Variants in ANO3 observed in about 807,000 individuals in gnomAD.
ANO3 encodes anoctamin 3, also known as anoctamin-3.
ANO3 carries 99 observed loss-of-function variants against 144.8 expected under a neutral mutation model. The observed-to-expected ratio is 0.68, with a 90% CI of 0.58 to 0.81. ANO3 has a LOEUF of 0.81. ANO3 is among the 30% of genes least tolerant of loss of function. The pLI is 0.00. For missense variants in ANO3, 905 were observed against 1,202.2 expected, an observed-to-expected ratio of 0.75 and a Z score of 3.66; for synonymous variants, 414 against 392.6, an observed-to-expected ratio of 1.05 and a Z score of -0.64.
intron 20 of ANO3, among the ~76,000 whole-genome samples, chr11:26,636,983 C>T (rs1435549496): frequency 1.3e-5 from 2 of 152,136 alleles, no homozygotes; most frequent in Non-Finnish European, 2.9e-5. Flanking sequence ...TTTGGCTTGT[C>T]CAGGGTGATA....
At chr11:26,631,486 G>A (rs1485169860) in intron 18 of ANO3, among the ~76,000 whole-genome samples, 1 of 152,058 alleles carries the variant, frequency 6.6e-6, no homozygotes, top group Non-Finnish European at 1.5e-5. Flanking sequence ...AAGTGTGTTT[G>A]TATTTATCTC....
chr11:26,643,323 C>T lies in ANO3; in HGVS notation c.2417C>T (p.Ala806Val). The change falls in exon 23 of 27, where the codon GCA becomes GTA. Residue 806 changes from alanine to valine, a missense_variant. By Grantham distance (64) the Ala-to-Val change is moderately conservative. Transcript: ENST00000256737. Reference sequence around the variant, plus strand: ...TGGCGGAGGCCTTTGCCAGCCCGAGCAACTGACATAGGTAAGATTCGGAAG... The same window carrying T: ...TGGCGGAGGCCTTTGCCAGCCCGAGTAACTGACATAGGTAAGATTCGGAAG... ...TQWRRPLPAR[A>V]TDIGIWLGIL... 1 of 1,614,024 alleles carries T rather than the reference C, an allele frequency of 6.2e-7. No individual in the cohort carries two copies. Among genetic ancestry groups the T allele is most frequent in the Non-Finnish European group, 8.5e-7 (1 of 1,179,970 alleles).
intron 13 of ANO3, among the ~76,000 whole-genome samples, chr11:26,556,235 A>T (rs1850078263): frequency 6.6e-6 from 1 of 152,160 alleles, no homozygotes; most frequent in East Asian, 1.9e-4. Flanking sequence ...GATGCTAGGA[A>T]TTCTCATTTA....
At chr11:26,202,782 A>G (rs1433151099) in intron 1 of ANO3, among the ~76,000 whole-genome samples, 1 of 152,090 alleles carries the variant, frequency 6.6e-6, no homozygotes, top group Admixed American at 6.6e-5. Flanking sequence ...ATAGTCAATC[A>G]TTCCTCTGGA....
chr11:26,207,087 C>T (rs1400287696), intron 1 of ANO3, among the ~76,000 whole-genome samples: 1 of 152,068 alleles, frequency 6.6e-6, no homozygotes, highest in African/African-American at 2.4e-5. Context: ...TACGAAGTTT[C>T]AGTTGTGCCA....
At position 26,647,693 on chromosome 11, in the gene ANO3, A is replaced by G; in HGVS notation, c.2429-16A>G. ...TCTTCATTTTTGTTCACCATGATTA[A>G]TCTTTCTCTTACCAGGTATCTGGCT... On this transcript the variant is annotated splice_polypyrimidine_tract_variant and intron_variant, in intron 23 of 26. Coordinates refer to ENST00000256737, the MANE Select transcript of ANO3 (RefSeq NM_031418.4). 1 of 1,589,916 alleles carries G rather than the reference A, an allele frequency of 6.3e-7. No homozygotes were observed. The highest frequency in any genetic ancestry group is 8.6e-7 in the Non-Finnish European group (1 of 1,164,930).
intron 1 of ANO3, among the ~76,000 whole-genome samples, chr11:26,264,973 G>C (rs1490050269): frequency 6.6e-6 from 1 of 151,896 alleles, no homozygotes; most frequent in South Asian, 2.1e-4. Flanking sequence ...TCTTTTGGAG[G>C]TAATATATAT....
At chr11:26,647,411 G>C (rs1853380625) in intron 23 of ANO3, among the ~76,000 whole-genome samples, 1 of 152,176 alleles carries the variant, frequency 6.6e-6, no homozygotes, top group African/African-American at 2.4e-5. Context: ...CTGTAAATTA[G>C]ACTTTGAAAT....
Position 26,598,381 on chromosome 11 carries a change from GT to G in ANO3, c.1468del (p.Trp490GlyfsTer8). 8 of 1,548,980 alleles carry G rather than the reference GT, an allele frequency of 5.2e-6. No homozygotes were observed. The highest frequency in any genetic ancestry group is 6.1e-6 in the Non-Finnish European group (7 of 1,148,740). On this transcript the variant is annotated frameshift_variant, in exon 15 of 27. Coordinates refer to ENST00000256737, the MANE Select transcript of ANO3 (RefSeq NM_031418.4). LOFTEE classifies it high-confidence loss of function. ...ATTTTATAGCCACAGTCTTCCTGGA[GT>G]TTTGGAAAAGGAGAAGGAGTATACT... ...MAIWATVFLE[F>X]WKRRRSILTY...
intron 1 of ANO3, among the ~76,000 whole-genome samples, chr11:26,377,006 T>C (rs918782190): frequency 1.3e-5 from 2 of 152,096 alleles, no homozygotes; most frequent in East Asian, 1.9e-4. Flanking sequence ...GAGAAAAAAG[T>C]CTACATGAAA....
chr11:26,212,655 C>CA (rs930726355), intron 1 of ANO3, among the ~76,000 whole-genome samples: 24 of 151,780 alleles, frequency 1.6e-4, no homozygotes, highest in Admixed American at 7.9e-4. Flanking sequence ...GCCTACCAAC[C>CA]AAAAAAAGCC....
chr11:26,262,040 G>A (rs1853202307), intron 1 of ANO3, among the ~76,000 whole-genome samples: 1 of 152,152 alleles, frequency 6.6e-6, no homozygotes, highest in Non-Finnish European at 1.5e-5. Flanking sequence ...GATAGCAGGT[G>A]CTACTAATCT....
intron 1 of ANO3, chr11:26,285,850 T>C (rs1853795061): frequency 6.6e-6 from 1 of 152,146 alleles, no homozygotes; most frequent in African/African-American, 2.4e-5. Flanking sequence ...ATTCATGCCA[T>C]GGAAAGGTAT....
intron 18 of ANO3, among the ~76,000 whole-genome samples, chr11:26,628,314 C>T (rs531057307): frequency 6.6e-6 from 1 of 152,302 alleles, no homozygotes; most frequent in African/African-American, 2.4e-5. Flanking sequence ...CTACTATACA[C>T]ACTATTAATT....
intron 18 of ANO3, among the ~76,000 whole-genome samples, chr11:26,630,212 T>C (rs530284027): frequency 2.7e-4 from 41 of 152,316 alleles, no homozygotes; most frequent in Non-Finnish European, 4.9e-4. Flanking sequence ...GTGTTGAATA[T>C]AAGATTTAGA....
At chr11:26,646,410 A>G (rs544130523) in intron 23 of ANO3, among the ~76,000 whole-genome samples, 3 of 152,258 alleles carry the variant, frequency 2.0e-5, no homozygotes, top group African/African-American at 7.2e-5. Flanking sequence ...TCTGTAGTAT[A>G]GATCCCAATA....
intron 1 of ANO3, among the ~76,000 whole-genome samples, chr11:26,312,776 C>T (rs1163401713): frequency 2.0e-5 from 3 of 152,122 alleles, no homozygotes; most frequent in Non-Finnish European, 4.4e-5. Flanking sequence ...AAAATTTTCT[C>T]CCATTCTGTA....
chr11:26,305,141 T>C (rs1460473086), upstream of ANO3, among the ~76,000 whole-genome samples: 2 of 150,938 alleles, frequency 1.3e-5, no homozygotes, highest in Non-Finnish European at 2.9e-5. Flanking sequence ...AACCGATTCA[T>C]TAGCTCCCTA....
At chr11:26,655,279 C>G (rs1853651424) in intron 24 of ANO3, among the ~76,000 whole-genome samples, 1 of 152,096 alleles carries the variant, frequency 6.6e-6, no homozygotes, top group Admixed American at 6.6e-5. Context: ...TTCTATTGCC[C>G]TTGGTAGAGA....
Sources: gnomAD v4.1 joint callset for allele counts (sites outside exome capture counted in the v4.1 genomes callset) on GRCh38, gnomAD v4.1.1 for gene constraint, MANE v1.5 for transcripts, NCBI Gene and HGNC (gene_info 2026-07-23, HGNC 2026-07-21) for gene names.